Variants in NRP1 observed in about 807,000 individuals in gnomAD.
NRP1 encodes neuropilin 1.
A neutral mutation model predicts 106.7 loss-of-function variants in NRP1; 35 were observed. That is an observed-to-expected ratio of 0.33 (90% CI 0.25 to 0.43). NRP1 has a LOEUF of 0.43. Among genes scored for constraint, NRP1 ranks in the 20% least tolerant of loss-of-function variants. NRP1 has a pLI of 1.00. For synonymous variants in NRP1, 437 were observed against 417.9 expected, an observed-to-expected ratio of 1.05 and a Z score of -0.56; for missense variants, 1,024 against 1,170.4, an observed-to-expected ratio of 0.87 and a Z score of 1.83.
At chr10:33,253,105 T>G (rs1841975888) in intron 6 of NRP1, among the ~76,000 whole-genome samples, 1 of 151,920 alleles carries the variant, frequency 6.6e-6, no homozygotes, top group South Asian at 2.1e-4. Context: ...GAAGCCTGGA[T>G]CCTTCAGCAA....
intron 2 of NRP1, among the ~76,000 whole-genome samples, chr10:33,280,455 A>T (rs1229213833): frequency 1.3e-5 from 2 of 152,152 alleles, no homozygotes; most frequent in East Asian, 3.9e-4. Flanking sequence ...AGATATTAAC[A>T]TCATTTATAA....
At chr10:33,300,148 AT>A (rs1197826195) in intron 2 of NRP1, among the ~76,000 whole-genome samples, 2 of 152,142 alleles carry the variant, frequency 1.3e-5, no homozygotes, top group Non-Finnish European at 2.9e-5. Context: ...CCCTGTGTAC[AT>A]TTAGGCCTAG....
chr10:33,213,845 G>A (rs1381356820), intron 8 of NRP1, 128 bp from the exon 9 acceptor site: 1 of 769,512 alleles, frequency 1.3e-6, no homozygotes, highest in African/African-American at 1.8e-5. Context: ...TCAGTCTCTG[G>A]ATTATTTTAC....
At chr10:33,215,455 C>T (rs1373463041) in intron 8 of NRP1, among the ~76,000 whole-genome samples, 1 of 152,186 alleles carries the variant, frequency 6.6e-6, no homozygotes, top group Non-Finnish European at 1.5e-5. Context: ...TAAAGCAGCC[C>T]AAGGAGCTTC....
intron 16 of NRP1, among the ~76,000 whole-genome samples, chr10:33,181,490 T>C (rs1042390799): frequency 1.3e-5 from 2 of 152,190 alleles, no homozygotes; most frequent in South Asian, 4.1e-4. Context: ...GATGCTGACA[T>C]GCATTGATGA....
rs528819147 is a variant in NRP1, at chr10:33,241,417, AACAAC to A, written c.981+12606_981+12610del. Among the ~76,000 whole-genome samples the A allele has an allele frequency of 5.9e-5, 9 of 152,310 alleles. No homozygotes were observed. The East Asian group carries it at 1.7e-3, about 29-fold the overall frequency. ...CCCAATGGAAAAAATGCATCTGTAC[AACAAC>A]TTTAAACCATAGGAGGACAAACACA... On this transcript the variant is annotated intron_variant, in intron 6 of 16. Coordinates refer to ENST00000374867, the MANE Select transcript of NRP1 (RefSeq NM_003873.7).
intron 6 of NRP1, among the ~76,000 whole-genome samples, chr10:33,234,524 G>A (rs1051686730): frequency 6.6e-6 from 1 of 152,038 alleles, no homozygotes; most frequent in Non-Finnish European, 1.5e-5. Flanking sequence ...TTGACTATTA[G>A]TTTAAAGTTA....
At chr10:33,269,078 C>T (rs532549938) in intron 3 of NRP1, among the ~76,000 whole-genome samples, 1 of 151,982 alleles carries the variant, frequency 6.6e-6, no homozygotes, top group African/African-American at 2.4e-5. Flanking sequence ...TTTTTTCTAT[C>T]GAAACAAGCT....
intron 11 of NRP1, among the ~76,000 whole-genome samples, chr10:33,198,144 A>ATTTT (rs71521487): frequency 1.1e-5 from 1 of 94,048 alleles, no homozygotes; most frequent in Admixed American, 1.3e-4. Context: ...AAATTTTTAA[A>ATTTT]TTTTTTTTTT....
chr10:33,309,331 TTAAGAC>T (rs1273760902), intron 2 of NRP1, among the ~76,000 whole-genome samples: 1 of 152,240 alleles, frequency 6.6e-6, no homozygotes, highest in Non-Finnish European at 1.5e-5. Context: ...ACCCTTCCTC[TTAAGAC>T]TACATGGTGA....
chr10:33,286,253 C>T (rs1037024686), intron 2 of NRP1, among the ~76,000 whole-genome samples: 1 of 152,210 alleles, frequency 6.6e-6, no homozygotes, highest in Admixed American at 6.5e-5. Context: ...GATGTTATTA[C>T]TTTAGCAAGA....
chr10:33,307,369 G>A (rs899064254), intron 2 of NRP1, among the ~76,000 whole-genome samples: 12 of 152,034 alleles, frequency 7.9e-5, no homozygotes, highest in Admixed American at 6.6e-4. Context: ...ACAGTATGAC[G>A]GACGAGCTGA....
chr10:33,263,966 A>G, intron 3 of NRP1, 93 bp from the exon 4 acceptor site: 1 of 789,368 alleles, frequency 1.3e-6, no homozygotes, highest in Middle Eastern at 2.8e-4. Flanking sequence ...CATCTTTCTA[A>G]TAAAAGCCCG....
At chr10:33,334,178 G>T (rs987491867) in intron 1 of NRP1, 132 bp downstream of exon 1, 1 of 776,556 alleles carries the variant, frequency 1.3e-6, no homozygotes, top group Non-Finnish European at 2.1e-6. Context: ...TCTCCTCCCA[G>T]ATAAAAGTTT....
chr10:33,282,141 A>T (rs1174486169), intron 2 of NRP1, among the ~76,000 whole-genome samples: 3 of 135,128 alleles, frequency 2.2e-5, no homozygotes, highest in African/African-American at 5.3e-5. Flanking sequence ...TTTTTTTTTT[A>T]AATCATGAAA....
intron 2 of NRP1, among the ~76,000 whole-genome samples, chr10:33,308,627 T>C (rs1312734897): frequency 2.0e-5 from 3 of 151,852 alleles, no homozygotes; most frequent in East Asian, 3.9e-4. Flanking sequence ...GCTGGGATTA[T>C]GGGCATGCAT....
intron 2 of NRP1, among the ~76,000 whole-genome samples, chr10:33,320,422 T>A (rs1353848921): frequency 6.6e-6 from 1 of 151,882 alleles, no homozygotes; most frequent in African/African-American, 2.4e-5. Context: ...ATCAGGTGCC[T>A]CTGATTAAGC....
intron 6 of NRP1, among the ~76,000 whole-genome samples, chr10:33,249,084 GTTTTTTTTT>G (rs750905931): frequency 8.3e-5 from 6 of 72,202 alleles, no homozygotes; most frequent in African/African-American, 2.9e-4. Flanking sequence ...TATGTCTCTT[GTTTTTTTTT>G]TTTTTTTTTT....
intron 2 of NRP1, among the ~76,000 whole-genome samples, chr10:33,277,533 T>G (rs752311337): frequency 5.3e-5 from 8 of 152,260 alleles, no homozygotes; most frequent in Non-Finnish European, 1.2e-4. Context: ...AATGCCCAGC[T>G]TCCGAGGAGC....
Sources: gnomAD v4.1 joint callset for allele counts (sites outside exome capture counted in the v4.1 genomes callset) on GRCh38, gnomAD v4.1.1 for gene constraint, MANE v1.5 for transcripts, NCBI Gene and HGNC (gene_info 2026-07-23, HGNC 2026-07-21) for gene names.